The following ZNF804B variants were observed in gnomAD, a reference collection of about 807,000 sequenced individuals.
The protein encoded by ZNF804B is zinc finger protein 804B, also known as zinc finger 804B.
Under a neutral mutation model 101.4 loss-of-function variants are expected in ZNF804B, and 80 were observed. The observed-to-expected ratio is 0.79, with a 90% CI of 0.66 to 0.95. The LOEUF is 0.95. Ranked by LOEUF, ZNF804B falls within the 40% of genes least tolerant of loss-of-function variation. The pLI, the probability that ZNF804B is intolerant of heterozygous loss-of-function variation, is 0.00. For synonymous variants in ZNF804B, 622 were observed against 558.8 expected, an observed-to-expected ratio of 1.11 and a Z score of -1.59; for missense variants, 1,673 against 1,561.9, an observed-to-expected ratio of 1.07 and a Z score of -1.20.
At chr7:88,992,853 T>C (rs1793865541) in intron 1 of ZNF804B, among the ~76,000 whole-genome samples, 1 of 152,078 alleles carries the variant, frequency 6.6e-6, no homozygotes, top group Admixed American at 6.5e-5. Flanking sequence ...TTTCTGTAAC[T>C]CTTTGTGTAT....
At chr7:89,206,542 A>G (rs1788716892) in intron 1 of ZNF804B, among the ~76,000 whole-genome samples, 2 of 152,112 alleles carry the variant, frequency 1.3e-5, no homozygotes, top group Admixed American at 6.6e-5. Context: ...ACCTGAGGTC[A>G]GGAGTTCGAG....
At chr7:89,007,556 TTATC>T (rs1408299359) in intron 1 of ZNF804B, among the ~76,000 whole-genome samples, 8 of 112,654 alleles carry the variant, frequency 7.1e-5, no homozygotes, top group Non-Finnish European at 1.2e-4. Flanking sequence ...TAATATATAT[TTATC>T]TATTATAATT....
At chr7:88,829,592 T>C (rs1409609743) in intron 1 of ZNF804B, among the ~76,000 whole-genome samples, 1 of 151,972 alleles carries the variant, frequency 6.6e-6, no homozygotes, top group Non-Finnish European at 1.5e-5. Context: ...TTGAAGAAAG[T>C]CTCATATAAT....
chr7:89,051,971 T>C (rs1004107503), intron 1 of ZNF804B, among the ~76,000 whole-genome samples: 3 of 152,242 alleles, frequency 2.0e-5, no homozygotes, highest in Admixed American at 6.5e-5. Context: ...CATTTTCCCC[T>C]TGTGATTTTG....
chr7:88,836,342 T>C (rs1791214469), intron 1 of ZNF804B, among the ~76,000 whole-genome samples: 1 of 151,850 alleles, frequency 6.6e-6, no homozygotes, highest in South Asian at 2.1e-4. Context: ...GAGGTAGCAT[T>C]GATCATTTCA....
At chr7:88,794,195 G>A in intron 1 of ZNF804B, 2 of 1,608,750 alleles carry the variant, frequency 1.2e-6, no homozygotes, top group African/African-American at 1.3e-5. Flanking sequence ...AAACGTGAAG[G>A]AGCAGGCCAT....
At chr7:89,171,609 A>G (rs1174170580) in intron 1 of ZNF804B, among the ~76,000 whole-genome samples, 1 of 151,750 alleles carries the variant, frequency 6.6e-6, no homozygotes, top group East Asian at 1.9e-4. Context: ...TAATTTTTGT[A>G]GTTTTAGTAG....
intron 1 of ZNF804B, among the ~76,000 whole-genome samples, chr7:89,028,586 C>T (rs1299729835): frequency 1.3e-5 from 2 of 152,162 alleles, no homozygotes; most frequent in Non-Finnish European, 2.9e-5. Flanking sequence ...AGAATCAACT[C>T]ATGTGCCTCA....
At chr7:88,843,901 T>C (rs1158489190) in intron 1 of ZNF804B, among the ~76,000 whole-genome samples, 1 of 151,990 alleles carries the variant, frequency 6.6e-6, no homozygotes, top group African/African-American at 2.4e-5. Flanking sequence ...TAGAAAAAAA[T>C]AAACTCTTTT....
chr7:89,267,357 G>A (rs1789813318), intron 2 of ZNF804B, among the ~76,000 whole-genome samples: 1 of 152,076 alleles, frequency 6.6e-6, no homozygotes, highest in Admixed American at 6.6e-5. Flanking sequence ...GGATTCTGGT[G>A]GTTGCAAGTG....
At chr7:89,001,709 T>C (rs1406867785) in intron 1 of ZNF804B, among the ~76,000 whole-genome samples, 1 of 151,960 alleles carries the variant, frequency 6.6e-6, no homozygotes, top group African/African-American at 2.4e-5. Flanking sequence ...TAGGGCTAAA[T>C]AGTTACTTTC....
chr7:88,935,957 T>C (rs998579374), intron 1 of ZNF804B, among the ~76,000 whole-genome samples: 7 of 151,634 alleles, frequency 4.6e-5, no homozygotes, highest in African/African-American at 1.4e-4. Context: ...TTCATCTTTC[T>C]GTTTTCCGAT....
At chr7:89,275,777 C>A (rs1209345123) in intron 2 of ZNF804B, among the ~76,000 whole-genome samples, 1 of 151,826 alleles carries the variant, frequency 6.6e-6, no homozygotes, top group African/African-American at 2.4e-5. Context: ...TTTCTCCCTA[C>A]AAGAAAGTGA....
At chr7:88,767,630 A>G (rs1369831254) in intron 1 of ZNF804B, among the ~76,000 whole-genome samples, 1 of 152,206 alleles carries the variant, frequency 6.6e-6, no homozygotes, top group East Asian at 1.9e-4. Flanking sequence ...TCTGATATGA[A>G]AGGAAGAGGC....
chr7:88,888,668 A>G (rs1343095096), intron 1 of ZNF804B, among the ~76,000 whole-genome samples: 2 of 152,210 alleles, frequency 1.3e-5, no homozygotes, highest in Admixed American at 6.5e-5. Flanking sequence ...ATGTTTTACA[A>G]TGAAAAAATT....
chr7:89,016,910 C>T (rs529440977), intron 1 of ZNF804B, among the ~76,000 whole-genome samples: 4 of 152,182 alleles, frequency 2.6e-5, no homozygotes, highest in Non-Finnish European at 5.9e-5. Context: ...GGCATTGAAT[C>T]TATAAATTAC....
chr7:89,140,420 G>GTCCTAGTATTTCTTATCTTTATC (rs1790698285), intron 1 of ZNF804B, among the ~76,000 whole-genome samples: 1 of 152,016 alleles, frequency 6.6e-6, no homozygotes, highest in African/African-American at 2.4e-5. Context: ...AACTATGAAA[G>GTCCTAGTATTTCTTATCTTTATC]TCCTAGTATT....
chr7:89,206,955 A>C (rs540404370), intron 1 of ZNF804B, among the ~76,000 whole-genome samples: 1 of 152,056 alleles, frequency 6.6e-6, no homozygotes, highest in Non-Finnish European at 1.5e-5. Flanking sequence ...AAGAGTCACC[A>C]TTGCTCCAGT....
chr7:89,156,976 C>T (rs1476989315), intron 1 of ZNF804B, among the ~76,000 whole-genome samples: 2 of 152,144 alleles, frequency 1.3e-5, no homozygotes, highest in East Asian at 1.9e-4. Context: ...CTACCCTTTT[C>T]GCTTATCTCT....
Sources: gnomAD v4.1 joint callset for allele counts (sites outside exome capture counted in the v4.1 genomes callset) on GRCh38, gnomAD v4.1.1 for gene constraint, MANE v1.5 for transcripts, NCBI Gene and HGNC (gene_info 2026-07-23, HGNC 2026-07-21) for gene names.